EIF2D: variants seen among roughly 807,000 people sequenced by gnomAD.
EIF2D encodes the protein eukaryotic translation initiation factor 2D.
In EIF2D, 56 loss-of-function variants were observed where a neutral mutation model predicts 77.4. That is an observed-to-expected ratio of 0.72 (90% CI 0.58 to 0.90). The LOEUF (loss-of-function observed/expected upper bound fraction) is 0.90. Among genes scored for constraint, EIF2D ranks in the 40% least tolerant of loss-of-function variants. The pLI is 0.00. For missense variants in EIF2D, 574 were observed against 706.5 expected (o/e 0.81, Z 2.13); for synonymous variants, 230 against 271.0 (o/e 0.85, Z 1.49).
chr1:206,611,082 G>C, intron 2 of EIF2D, 102 bp downstream of exon 2: 1 of 1,137,480 alleles, frequency 8.8e-7, no homozygotes, highest in Non-Finnish European at 1.2e-6. Flanking sequence ...GGGAGATTTC[G>C]TGCTTGCTTA....
At chr1:206,578,558 C>T (rs1464713157) in intron 4 of EIF2D, among the ~76,000 whole-genome samples, 2 of 152,058 alleles carry the variant, frequency 1.3e-5, no homozygotes, top group South Asian at 2.1e-4. Context: ...TGATTCAAAT[C>T]GTGGGCCAGA....
At chr1:206,587,205 C>T (rs1669153258), downstream of EIF2D, 2 of 520,198 alleles carry the variant, frequency 3.8e-6, no homozygotes, top group Non-Finnish European at 6.9e-6. Flanking sequence ...AGGATCAGAA[C>T]TCATGTGAAA....
downstream of EIF2D, chr1:206,587,070 T>C (rs1428330308): frequency 2.7e-6 from 4 of 1,469,050 alleles, no homozygotes; most frequent in Non-Finnish European, 2.8e-6. Context: ...AGGACATCTC[T>C]GGCAGGTGCA....
In EIF2D at chr1:206,584,422, G is replaced by A. The variant is rs1033081644; in HGVS notation, c.139-3260C>T. 4.0e-5 allele frequency: 64 copies of A among 1,613,966 alleles called. No homozygotes were observed. Among genetic ancestry groups the A allele is most frequent in the Non-Finnish European group, 4.9e-5 (58 of 1,179,972 alleles). On this transcript the variant is annotated intron_variant and NMD_transcript_variant, in intron 2 of 5. Coordinates refer to the EIF2D transcript ENST00000472709. The surrounding 1 kb of genome is among the most constrained non-coding windows in gnomAD (Gnocchi z 4.9). ...GCACCTACACGGGTTTCATCAAAGT[G>A]CATCTGAAACTCCGGCGGCCTGTGA...
downstream of EIF2D, chr1:206,586,669 C>T: frequency 1.5e-6 from 1 of 656,962 alleles, no homozygotes; most frequent in East Asian, 2.6e-5. Context: ...GCATGCAAAG[C>T]CCAGGCTTCG....
chr1:206,576,165 G>T (rs1341074267), intron 4 of EIF2D, among the ~76,000 whole-genome samples: 1 of 152,204 alleles, frequency 6.6e-6, no homozygotes, highest in African/African-American at 2.4e-5. Flanking sequence ...ACAATAAAAG[G>T]CAGCATATAA....
chr1:206,585,392 G>A (rs1481383678), intron 2 of EIF2D: 13 of 835,090 alleles, frequency 1.6e-5, no homozygotes, highest in Non-Finnish European at 2.7e-5. Context: ...TGGGAGCCAC[G>A]CAGCACGGGC....
At chr1:206,575,499 T>C (rs1263978827) in intron 4 of EIF2D, among the ~76,000 whole-genome samples, 3 of 152,130 alleles carry the variant, frequency 2.0e-5, no homozygotes, top group African/African-American at 7.2e-5. Flanking sequence ...TAGAGAAAAG[T>C]GGTGAGCAGT....
chr1:206,602,881 T>G, intron 6 of EIF2D, 70 bp downstream of exon 6: 1 of 1,574,412 alleles, frequency 6.4e-7, no homozygotes, highest in Non-Finnish European at 8.6e-7. Flanking sequence ...TAGTCAGCAG[T>G]GGAGTGGAGT....
At chr1:206,608,653 C>G (rs1237921310) in intron 3 of EIF2D, among the ~76,000 whole-genome samples, 2 of 152,210 alleles carry the variant, frequency 1.3e-5, no homozygotes, top group Non-Finnish European at 2.9e-5. Flanking sequence ...CTTCACCCAT[C>G]CAATAGCAGG....
chr1:206,597,226 C>T, intron 11 of EIF2D, 31 bp from the exon 12 acceptor site: 1 of 1,552,212 alleles, frequency 6.4e-7, no homozygotes. Flanking sequence ...ATGAAGAAAT[C>T]CTAGACTTGT....
intron 1 of EIF2D, 112 bp from the exon 2 acceptor site, chr1:206,611,486 C>A: frequency 1.2e-6 from 1 of 830,554 alleles, no homozygotes; most frequent in South Asian, 1.9e-5. Context: ...AGAAAGATTG[C>A]CTGGTTTATG....
At chr1:206,591,626 CAA>C (rs1465320199), downstream of EIF2D, 33 of 746,536 alleles carry the variant, frequency 4.4e-5, no homozygotes, top group Middle Eastern at 6.3e-4. Flanking sequence ...GTGGAGGAAA[CAA>C]GAGGGAAGTC....
chr1:206,572,946 G>A (rs1553404487), intron 4 of EIF2D, among the ~76,000 whole-genome samples: 3 of 152,160 alleles, frequency 2.0e-5, no homozygotes, highest in Non-Finnish European at 4.4e-5. Context: ...CACTGACCAA[G>A]CTTTGGTCAA....
At chr1:206,586,670 C>A, downstream of EIF2D, 1 of 658,074 alleles carries the variant, frequency 1.5e-6, no homozygotes. Flanking sequence ...CATGCAAAGC[C>A]CAGGCTTCGC....
chr1:206,611,324 T>A lies in EIF2D; in HGVS notation c.107A>T (p.Asp36Val), dbSNP rs1553413964. The stretch of plus-strand genomic sequence containing the variant: ...TCCAGGTACTAACTCAGAGACTTGA[T>A]CAGTTCCAAGGGTGGGGAAAGCAGT... ...VTTAFPTLGT[D>V]QVSELVPGKE... The change falls in exon 2 of 15, where the codon GAT (aspartate) becomes GTT (valine). Residue 36 changes from aspartate to valine, a missense_variant. Transcript: ENST00000271764. 1 of 1,614,206 alleles carries A rather than the reference T, an allele frequency of 6.2e-7. No individual in the cohort carries two copies. The highest frequency in any genetic ancestry group is 1.3e-5 in the African/African-American group (1 of 75,052).
chr1:206,605,302 A>G (rs781785879), intron 5 of EIF2D, 98 bp downstream of exon 5: 27 of 771,930 alleles, frequency 3.5e-5, no homozygotes, highest in Non-Finnish European at 5.5e-5. Context: ...TTGCTTAAAG[A>G]CATGGCTAGG....
chr1:206,579,267 G>C lies in EIF2D; in HGVS notation c.*254+1425C>G, dbSNP rs982581593. On this transcript the variant is annotated intron_variant and NMD_transcript_variant, in intron 4 of 5. Coordinates refer to the EIF2D transcript ENST00000472709. The surrounding 1 kb of genome is among the most constrained non-coding windows in gnomAD (Gnocchi z 4.2). ...AATTCCATGCCAGATGCACTGAGATGTGTGAGCCCCCAGGAGAGACACCTC... is the reference window on the plus strand; with the variant it reads ...AATTCCATGCCAGATGCACTGAGATCTGTGAGCCCCCAGGAGAGACACCTC... 1.2e-4 allele frequency among the ~76,000 whole-genome samples: 19 copies of C among 152,228 alleles called. No homozygotes were observed. The highest frequency in any genetic ancestry group is 4.6e-4 in the African/African-American group (19 of 41,450).
chr1:206,610,994 G>T (rs1670455495), intron 2 of EIF2D, among the ~76,000 whole-genome samples, 190 bp downstream of exon 2: 2 of 151,960 alleles, frequency 1.3e-5, no homozygotes, highest in Non-Finnish European at 2.9e-5. Flanking sequence ...TTGCATAAGA[G>T]AAAACCTTTT....
Sources: gnomAD v4.1 joint callset for allele counts (sites outside exome capture counted in the v4.1 genomes callset) on GRCh38, gnomAD v4.1.1 for gene constraint, Gnocchi (gnomAD v3.1) non-coding constraint, MANE v1.5 for transcripts, NCBI Gene and HGNC (gene_info 2026-07-23, HGNC 2026-07-21) for gene names.